EMCN: variants seen among roughly 807,000 people sequenced by gnomAD.
EMCN encodes the protein endomucin, also known as MUC-14.
EMCN carries 37 observed loss-of-function variants against 38.4 expected under a neutral mutation model. The observed-to-expected ratio is 0.96, with a 90% CI of 0.74 to 1.27. The LOEUF (loss-of-function observed/expected upper bound fraction) is 1.27, where lower values mean the gene tolerates loss of function less well. Among genes scored for constraint, EMCN ranks in the 50% most tolerant of loss-of-function variants. The pLI, the probability that EMCN is intolerant of heterozygous loss-of-function variation, is 0.00. For missense variants in EMCN, 318 were observed against 302.8 expected, an observed-to-expected ratio of 1.05 and a Z score of -0.37; for synonymous variants, 95 against 100.8, an observed-to-expected ratio of 0.94 and a Z score of 0.35.
chr4:100,505,732 C>T (rs3775364), intron 1 of EMCN, among the ~76,000 whole-genome samples: 63 of 152,084 alleles, frequency 4.1e-4, no homozygotes, highest in Admixed American at 6.5e-4. Flanking sequence ...CCTCTCACTC[C>T]TCCCTTACTC....
At chr4:100,503,650 T>C (rs1214758592) in intron 1 of EMCN, among the ~76,000 whole-genome samples, 1 of 151,994 alleles carries the variant, frequency 6.6e-6, no homozygotes, top group Non-Finnish European at 1.5e-5. Flanking sequence ...GTGATCATGG[T>C]TCATTGCAGC....
intron 2 of EMCN, among the ~76,000 whole-genome samples, chr4:100,478,509 T>C (rs151128248): frequency 6.6e-6 from 1 of 152,206 alleles, no homozygotes; most frequent in Non-Finnish European, 1.5e-5. Flanking sequence ...AAGTCTGGGT[T>C]CCCTTCAAAG....
At chr4:100,506,594 A>G (rs546280387) in intron 1 of EMCN, among the ~76,000 whole-genome samples, 74 of 152,274 alleles carry the variant, frequency 4.9e-4, no homozygotes, top group South Asian at 1.9e-3. Context: ...CCCTGAAAAT[A>G]CAACTTTATT....
intron 8 of EMCN, among the ~76,000 whole-genome samples, chr4:100,419,640 T>A (rs1338963868): frequency 6.6e-6 from 1 of 152,086 alleles, no homozygotes; most frequent in African/African-American, 2.4e-5. Flanking sequence ...CTCAACACTC[T>A]CAGGCTGATT....
At chr4:100,464,199 G>A (rs915626415) in intron 4 of EMCN, among the ~76,000 whole-genome samples, 1 of 151,002 alleles carries the variant, frequency 6.6e-6, no homozygotes, top group Non-Finnish European at 1.5e-5. Context: ...TTTTATTTTG[G>A]ATCACCACTG....
intron 1 of EMCN, 39 bp from the exon 2 acceptor site, chr4:100,480,078 A>G: frequency 6.3e-7 from 1 of 1,581,046 alleles, no homozygotes; most frequent in Non-Finnish European, 8.6e-7. Context: ...ATTTACATAT[A>G]GTTTGCCAAT....
At chr4:100,435,249 A>C (rs1727317584) in intron 5 of EMCN, among the ~76,000 whole-genome samples, 1 of 152,208 alleles carries the variant, frequency 6.6e-6, no homozygotes, top group Non-Finnish European at 1.5e-5. Flanking sequence ...GCATAGAGCC[A>C]AATCATGAAT....
intron 11 of EMCN, among the ~76,000 whole-genome samples, chr4:100,400,996 G>C (rs957381085): frequency 2.6e-5 from 4 of 151,606 alleles, no homozygotes; most frequent in African/African-American, 9.7e-5. Context: ...ATATATTTGT[G>C]GTTTTTATAA....
intron 11 of EMCN, among the ~76,000 whole-genome samples, chr4:100,403,886 G>T (rs546142862): frequency 1.3e-5 from 2 of 152,040 alleles, no homozygotes; most frequent in Admixed American, 1.3e-4. Context: ...TGAGAAGTGT[G>T]CATTCATGTC....
At chr4:100,458,954 G>A (rs1011571212) in intron 4 of EMCN, among the ~76,000 whole-genome samples, 1 of 152,052 alleles carries the variant, frequency 6.6e-6, no homozygotes, top group Non-Finnish European at 1.5e-5. Flanking sequence ...GTTCAGCATG[G>A]AGAGAGGTTC....
At chr4:100,449,587 G>T (rs1434278361) in intron 4 of EMCN, among the ~76,000 whole-genome samples, 1 of 152,022 alleles carries the variant, frequency 6.6e-6, no homozygotes, top group Admixed American at 6.6e-5. Flanking sequence ...TAGAATACAA[G>T]GAAATCAAAA....
At chr4:100,480,453 A>G (rs752661432) in intron 1 of EMCN, among the ~76,000 whole-genome samples, 8 of 152,076 alleles carry the variant, frequency 5.3e-5, no homozygotes, top group South Asian at 2.1e-4. Flanking sequence ...CAAAATTAGT[A>G]TATGTCTTCT....
intron 5 of EMCN, among the ~76,000 whole-genome samples, chr4:100,429,333 T>C (rs147014444): frequency 1.1e-3 from 167 of 152,304 alleles, no homozygotes; most frequent in African/African-American, 3.9e-3. Context: ...AAAGGGAACA[T>C]GTTGATATAA....
Position 100,423,417 on chromosome 4 carries a change from T to A in EMCN, c.416-13A>T, listed in dbSNP as rs1726952847. ...TGTAGAACACTACCTGTATGAAAAT[T>A]ACAAATGCAGAATCAGGCTATGGTA... is the stretch of plus-strand genomic sequence containing the variant. On this transcript the variant is annotated splice_polypyrimidine_tract_variant and intron_variant, in intron 5 of 11. Coordinates refer to ENST00000296420, the MANE Select transcript of EMCN (RefSeq NM_016242.4). 1 of 1,575,064 alleles carries A rather than the reference T, an allele frequency of 6.3e-7. No homozygotes were observed. The highest frequency in any genetic ancestry group is 1.1e-5 in the South Asian group (1 of 90,264).
chr4:100,504,552 C>T (rs568725446), intron 1 of EMCN, among the ~76,000 whole-genome samples: 8 of 150,858 alleles, frequency 5.3e-5, no homozygotes, highest in Non-Finnish European at 8.8e-5. Flanking sequence ...ATAATCATAA[C>T]CTAGGGAAAA....
chr4:100,504,514 A>C (rs1022443168), intron 1 of EMCN, among the ~76,000 whole-genome samples: 4 of 152,244 alleles, frequency 2.6e-5, no homozygotes, highest in African/African-American at 7.2e-5. Context: ...ATTACTCTTT[A>C]TTCCAATATT....
rs767448929 is a variant in EMCN, at chr4:100,417,100, G to A, written c.689+17C>T. ...AAATGGTAGGGTCTAAACAAAAGAT[G>A]ATATGGGCTTACTTACTGATCATTT... On this transcript the variant is annotated intron_variant, in intron 9 of 11. Transcript: ENST00000296420. The A allele has an allele frequency of 5.0e-6, 8 of 1,612,504 alleles. No individual in the cohort carries two copies. Among genetic ancestry groups the A allele is most frequent in the Non-Finnish European group, 6.8e-6 (8 of 1,178,794 alleles).
intron 10 of EMCN, among the ~76,000 whole-genome samples, chr4:100,411,142 C>A (rs964513486): frequency 2.0e-5 from 3 of 152,160 alleles, no homozygotes; most frequent in Non-Finnish European, 4.4e-5. Flanking sequence ...AGGATGTCAC[C>A]TGTTACTTGT....
chr4:100,511,933 C>G (rs981562384), intron 1 of EMCN, among the ~76,000 whole-genome samples: 8 of 152,148 alleles, frequency 5.3e-5, no homozygotes, highest in African/African-American at 1.9e-4. Flanking sequence ...ACTCCATTCC[C>G]TCTTTTGTCA....
Sources: allele counts gnomAD v4.1 joint callset (sites outside exome capture counted in the v4.1 genomes callset), GRCh38; gene constraint gnomAD v4.1.1; transcripts MANE v1.5; gene names NCBI Gene and HGNC (gene_info 2026-07-23, HGNC 2026-07-21).